MYLK: variants seen among roughly 807,000 people sequenced by gnomAD.
MYLK encodes myosin light chain kinase, smooth muscle.
In MYLK, 106 loss-of-function variants were observed where a neutral mutation model predicts 203.4. The observed-to-expected ratio is 0.52, with a 90% confidence interval of 0.45 to 0.61. The LOEUF (loss-of-function observed/expected upper bound fraction) is 0.61. MYLK is among the 20% of genes least tolerant of loss of function. The pLI, the probability that MYLK is intolerant of heterozygous loss-of-function variation, is 0.00. For missense variants in MYLK, 2,072 were observed against 2,442.3 expected, an observed-to-expected ratio of 0.85 and a Z score of 3.20; for synonymous variants, 867 against 959.5, an observed-to-expected ratio of 0.90 and a Z score of 1.78.
chr3:123,728,408 G>A (rs2062364777), intron 11 of MYLK, among the ~76,000 whole-genome samples: 1 of 152,170 alleles, frequency 6.6e-6, no homozygotes. Context: ...TTAGTAGGCT[G>A]AGGCAGGAGG....
At chr3:123,721,857 T>C (rs1356259163) in intron 13 of MYLK, among the ~76,000 whole-genome samples, 15 of 148,546 alleles carry the variant, frequency 1.0e-4, no homozygotes, top group South Asian at 2.2e-4. Context: ...GATGACACCC[T>C]TGTCGCTGTG....
At chr3:123,709,646 A>G in intron 14 of MYLK, 110 bp downstream of exon 14, 1 of 1,426,978 alleles carries the variant, frequency 7.0e-7, no homozygotes, top group South Asian at 1.2e-5. Context: ...TGATGGTCCC[A>G]TCTGATTTTC....
intron 4 of MYLK, among the ~76,000 whole-genome samples, chr3:123,766,672 T>C (rs2063715399): frequency 6.6e-6 from 1 of 152,258 alleles, no homozygotes; most frequent in East Asian, 1.9e-4. Context: ...CCGAGGCAGA[T>C]TCCAGGTCGT....
chr3:123,643,070 G>C (rs1576410558), intron 27 of MYLK, among the ~76,000 whole-genome samples: 1 of 152,160 alleles, frequency 6.6e-6, no homozygotes. Context: ...CTCTGAAAAA[G>C]TCACTCCCCA....
At chr3:123,827,747 A>ATATT in intron 3 of MYLK, among the ~76,000 whole-genome samples, 1 of 108,608 alleles carries the variant, frequency 9.2e-6, no homozygotes, top group Non-Finnish European at 1.9e-5. Context: ...ATATATATAT[A>ATATT]TAAAGACTCT....
intron 3 of MYLK, among the ~76,000 whole-genome samples, chr3:123,830,949 C>T (rs114767380): frequency 0.018 from 2,794 of 152,168 alleles, 36 homozygotes; most frequent in Non-Finnish European, 0.032. Context: ...TAAACAGGCT[C>T]ACTCTACACC....
chr3:123,835,123 G>A (rs1408265281), intron 2 of MYLK, among the ~76,000 whole-genome samples: 1 of 152,208 alleles, frequency 6.6e-6, no homozygotes, highest in African/African-American at 2.4e-5. Flanking sequence ...GTTTCTCAAA[G>A]TGTGGTCCCT....
intron 3 of MYLK, among the ~76,000 whole-genome samples, chr3:123,803,795 C>T (rs1277177516): frequency 6.6e-6 from 1 of 152,186 alleles, no homozygotes; most frequent in Non-Finnish European, 1.5e-5. Flanking sequence ...GACAGCGGCA[C>T]AGGCTAGGAA....
chr3:123,857,348 G>A (rs892371131), intron 2 of MYLK, among the ~76,000 whole-genome samples: 9 of 152,006 alleles, frequency 5.9e-5, no homozygotes, highest in Admixed American at 4.6e-4. Context: ...ACATGCACAC[G>A]TATGTTTATT....
At chr3:123,719,385 CCAAA>C (rs934767294) in intron 13 of MYLK, among the ~76,000 whole-genome samples, 2 of 152,158 alleles carry the variant, frequency 1.3e-5, no homozygotes, top group Non-Finnish European at 2.9e-5. Flanking sequence ...TCTCTGATGG[CCAAA>C]CAAACACACA....
intron 4 of MYLK, among the ~76,000 whole-genome samples, chr3:123,778,585 C>T (rs958601872): frequency 1.3e-5 from 2 of 152,114 alleles, no homozygotes; most frequent in African/African-American, 4.8e-5. Flanking sequence ...AACAGACAGC[C>T]CCTTCCCAGG....
chr3:123,807,031 G>A (rs1014757937), intron 3 of MYLK, among the ~76,000 whole-genome samples: 2 of 152,160 alleles, frequency 1.3e-5, no homozygotes, highest in Non-Finnish European at 2.9e-5. Flanking sequence ...GACCAGGTGA[G>A]TCTTGCCTAA....
chr3:123,879,993 T>C (rs2033425789), intron 1 of MYLK, among the ~76,000 whole-genome samples: 3 of 152,198 alleles, frequency 2.0e-5, no homozygotes, highest in East Asian at 1.9e-4. Flanking sequence ...CAGAGCTCAA[T>C]AGAAAGTAGA....
intron 2 of MYLK, among the ~76,000 whole-genome samples, chr3:123,840,923 A>C (rs200958026): frequency 2.2e-4 from 1 of 4,484 alleles, no homozygotes; most frequent in African/African-American, 1.9e-3. Flanking sequence ...TAAAAAGGCA[A>C]AAGTTTCTTG....
intron 2 of MYLK, among the ~76,000 whole-genome samples, chr3:123,841,904 G>A (rs528396975): frequency 6.6e-6 from 1 of 152,168 alleles, no homozygotes; most frequent in East Asian, 1.9e-4. Context: ...TTAAAAAAGA[G>A]AACTAACATT....
At chr3:123,682,486 A>G (rs2060303311) in intron 19 of MYLK, among the ~76,000 whole-genome samples, 176 bp from the exon 20 acceptor site, 1 of 152,224 alleles carries the variant, frequency 6.6e-6, no homozygotes, top group Admixed American at 6.5e-5. Context: ...CCATGAGAGC[A>G]TCAAAGAAGG....
At chr3:123,794,667 G>GA (rs2064920096) in intron 3 of MYLK, among the ~76,000 whole-genome samples, 1 of 152,202 alleles carries the variant, frequency 6.6e-6, no homozygotes. Context: ...GGGCTGGCAA[G>GA]GGTAGCAGAA....
At chr3:123,698,338 T>C (rs2061020336) in intron 18 of MYLK, among the ~76,000 whole-genome samples, 1 of 152,108 alleles carries the variant, frequency 6.6e-6, no homozygotes, top group Non-Finnish European at 1.5e-5. Context: ...CCACAGATAA[T>C]GAAAAGAGAT....
intron 4 of MYLK, among the ~76,000 whole-genome samples, chr3:123,772,856 G>T (rs901106409): frequency 6.6e-6 from 1 of 151,970 alleles, no homozygotes; most frequent in South Asian, 2.1e-4. Flanking sequence ...GCTTATGAGT[G>T]TGAGAAAATT....
Sources: allele counts gnomAD v4.1 joint callset (sites outside exome capture counted in the v4.1 genomes callset), GRCh38; gene constraint gnomAD v4.1.1; transcripts MANE v1.5; gene names NCBI Gene and HGNC (gene_info 2026-07-23, HGNC 2026-07-21).